LRRFIP2: variants seen among roughly 807,000 people sequenced by gnomAD.
LRRFIP2 encodes leucine-rich repeat flightless-interacting protein 2.
LRRFIP2 carries 109 observed loss-of-function variants against 125.9 expected under a neutral mutation model. That is an observed-to-expected ratio of 0.87 (90% CI 0.74 to 1.01). The LOEUF (loss-of-function observed/expected upper bound fraction) is 1.01, where lower values mean the gene tolerates loss of function less well. LRRFIP2 is among the 50% of genes least tolerant of loss of function. LRRFIP2 has a pLI of 0.00. For synonymous variants in LRRFIP2, 291 were observed against 293.1 expected (o/e 0.99, Z 0.07); for missense variants, 850 against 862.3 (o/e 0.99, Z 0.18).
intron 6 of LRRFIP2, among the ~76,000 whole-genome samples, chr3:37,117,387 T>C (rs557918997): frequency 1.3e-5 from 2 of 152,210 alleles, no homozygotes; most frequent in South Asian, 4.1e-4. Context: ...GTTGAATCTA[T>C]CTGGTAGGAA....
At chr3:37,123,127 T>C (rs532169075) in intron 4 of LRRFIP2, among the ~76,000 whole-genome samples, 26 of 152,396 alleles carry the variant, frequency 1.7e-4, no homozygotes, top group Admixed American at 6.5e-4. Context: ...ATTCAATTTC[T>C]AATCAGGTAT....
At chr3:37,158,999 A>G (rs1324515746) in intron 1 of LRRFIP2, among the ~76,000 whole-genome samples, 2 of 152,222 alleles carry the variant, frequency 1.3e-5, no homozygotes, top group Non-Finnish European at 2.9e-5. Context: ...TTTATTTTGA[A>G]GAAGTCCAAT....
intron 18 of LRRFIP2, 87 bp downstream of exon 18, chr3:37,091,380 G>A (rs1026066798): frequency 2.7e-5 from 25 of 938,204 alleles, no homozygotes; most frequent in Non-Finnish European, 3.9e-5. Context: ...AAAGCTATGT[G>A]CAGTTGGTTA....
At chr3:37,159,682 T>C (rs2096282488) in intron 1 of LRRFIP2, among the ~76,000 whole-genome samples, 1 of 151,980 alleles carries the variant, frequency 6.6e-6, no homozygotes, top group South Asian at 2.1e-4. Flanking sequence ...AATTTTTGTA[T>C]TTTTAATAGA....
chr3:37,124,917 CTG>C (rs2095217987), intron 4 of LRRFIP2, among the ~76,000 whole-genome samples: 1 of 152,102 alleles, frequency 6.6e-6, no homozygotes, highest in Admixed American at 6.5e-5. Flanking sequence ...TTACAGCAAA[CTG>C]TGTTCTTAGG....
rs540995847 is a variant in LRRFIP2 at position 37,060,466 on chromosome 3, G to C, written c.1750-1556C>G. On this transcript the variant is annotated intron_variant, in intron 24 of 27. Coordinates refer to ENST00000336686, the MANE Select transcript of LRRFIP2 (RefSeq NM_006309.4). The surrounding 1 kb of genome is among the most constrained non-coding windows in gnomAD (Gnocchi z 4.1). The stretch of plus-strand genomic sequence containing the variant: ...TGGGATTCCAGGTGCATGCCACCAC[G>C]TCCAATTTTTGTATTTTTAGTAGAT... 6.6e-6 allele frequency among the ~76,000 whole-genome samples: 1 copy of C among 151,918 alleles called. No individual in the cohort carries two copies. Among genetic ancestry groups the C allele is most frequent in the Non-Finnish European group, 1.5e-5 (1 of 67,974 alleles).
intron 1 of LRRFIP2, among the ~76,000 whole-genome samples, chr3:37,165,365 C>A (rs900240741): frequency 7.6e-6 from 1 of 131,704 alleles, no homozygotes; most frequent in Non-Finnish European, 1.6e-5. Context: ...ACCAACCCCC[C>A]CACCCACCCC....
chr3:37,077,155 C>T (rs144524045), intron 19 of LRRFIP2, among the ~76,000 whole-genome samples: 12 of 152,318 alleles, frequency 7.9e-5, no homozygotes, highest in African/African-American at 2.9e-4. Flanking sequence ...TGCAAAACTA[C>T]ATACCTTTCG....
At chr3:37,117,455 A>AC (rs1436621989) in intron 6 of LRRFIP2, among the ~76,000 whole-genome samples, 2 of 152,134 alleles carry the variant, frequency 1.3e-5, no homozygotes, top group African/African-American at 4.8e-5. Context: ...AAAAAAAGTC[A>AC]CCCCAATAAG....
At chr3:37,120,839 T>C (rs1186360935) in intron 6 of LRRFIP2, among the ~76,000 whole-genome samples, 1 of 152,092 alleles carries the variant, frequency 6.6e-6, no homozygotes, top group Non-Finnish European at 1.5e-5. Flanking sequence ...ACATACAGCA[T>C]TATCAATGTG....
chr3:37,081,789 G>A (rs1471355174), intron 19 of LRRFIP2, among the ~76,000 whole-genome samples: 1 of 151,464 alleles, frequency 6.6e-6, no homozygotes, highest in East Asian at 1.9e-4. Context: ...TCAGGAGGCT[G>A]AGGTGGGAGG....
At chr3:37,087,592 C>CTTTTTT (rs764949237) in intron 18 of LRRFIP2, among the ~76,000 whole-genome samples, 2 of 145,002 alleles carry the variant, frequency 1.4e-5, no homozygotes, top group African/African-American at 5.0e-5. Flanking sequence ...TTAAATGCTT[C>CTTTTTT]TTTTTTTTTT....
At chr3:37,155,274 TAAC>T (rs1246782392) in intron 1 of LRRFIP2, among the ~76,000 whole-genome samples, 3 of 152,218 alleles carry the variant, frequency 2.0e-5, no homozygotes, top group Non-Finnish European at 4.4e-5. Flanking sequence ...CATTTTGAAT[TAAC>T]TACCTATTTT....
At chr3:37,069,859 C>G (rs1316183005) in intron 21 of LRRFIP2, among the ~76,000 whole-genome samples, 1 of 151,982 alleles carries the variant, frequency 6.6e-6, no homozygotes, top group Non-Finnish European at 1.5e-5. Flanking sequence ...ATTTTTATAA[C>G]ATTCTTAAAA....
At chr3:37,078,550 C>T (rs1405242479) in intron 19 of LRRFIP2, among the ~76,000 whole-genome samples, 1 of 151,966 alleles carries the variant, frequency 6.6e-6, no homozygotes, top group Non-Finnish European at 1.5e-5. Context: ...GTTAAATAAC[C>T]CTAGAGTCCT....
intron 3 of LRRFIP2, 53 bp downstream of exon 3, chr3:37,129,010 G>T: frequency 6.8e-7 from 1 of 1,480,164 alleles, no homozygotes; most frequent in Non-Finnish European, 9.5e-7. Context: ...AACTAGCCAA[G>T]TACTGATTTT....
chr3:37,122,311 G>A (rs2095090303), intron 4 of LRRFIP2, among the ~76,000 whole-genome samples: 1 of 151,840 alleles, frequency 6.6e-6, no homozygotes. Flanking sequence ...ACATTCTTTG[G>A]TTGGAAAGAA....
chr3:37,130,008 A>T (rs998136651), intron 2 of LRRFIP2, among the ~76,000 whole-genome samples: 1 of 152,134 alleles, frequency 6.6e-6, no homozygotes, highest in African/African-American at 2.4e-5. Context: ...TAAATAAATA[A>T]ATGTATACAA....
chr3:37,145,407 T>A (rs1259711102), intron 2 of LRRFIP2, among the ~76,000 whole-genome samples: 1 of 152,226 alleles, frequency 6.6e-6, no homozygotes, highest in Admixed American at 6.5e-5. Context: ...ATTTGGGGAC[T>A]AATATAAATA....
Sources: allele counts gnomAD v4.1 joint callset (sites outside exome capture counted in the v4.1 genomes callset), GRCh38; gene constraint gnomAD v4.1.1; non-coding constraint Gnocchi (gnomAD v3.1); transcripts MANE v1.5; gene names NCBI Gene and HGNC (gene_info 2026-07-23, HGNC 2026-07-21).